The following ERC2 variants were observed in gnomAD, a reference collection of about 807,000 sequenced individuals.
ERC2 encodes the protein ERC protein 2.
ERC2 carries 42 observed loss-of-function variants against 114.8 expected under a neutral mutation model. That is an observed-to-expected ratio of 0.37 (90% CI 0.29 to 0.47). The LOEUF (loss-of-function observed/expected upper bound fraction) is 0.47, where lower values mean the gene tolerates loss of function less well. Ranked by LOEUF, ERC2 falls within the 20% of genes least tolerant of loss-of-function variation. The pLI is 0.99. For missense variants in ERC2, 939 were observed against 1,150.7 expected, an observed-to-expected ratio of 0.82 and a Z score of 2.66; for synonymous variants, 454 against 425.5, an observed-to-expected ratio of 1.07 and a Z score of -0.82.
chr3:55,820,680 C>A (rs2060088266), intron 14 of ERC2, among the ~76,000 whole-genome samples: 1 of 152,134 alleles, frequency 6.6e-6, no homozygotes, highest in Non-Finnish European at 1.5e-5. Flanking sequence ...AGTAGTGGAG[C>A]CAGATCTCCA....
intron 3 of ERC2, among the ~76,000 whole-genome samples, chr3:56,202,362 T>C (rs1467494697): frequency 6.6e-6 from 1 of 152,196 alleles, no homozygotes; most frequent in Non-Finnish European, 1.5e-5. Flanking sequence ...CAAAATTTAA[T>C]TATAATGATT....
At chr3:56,181,162 A>G (rs966408546) in intron 3 of ERC2, among the ~76,000 whole-genome samples, 2 of 152,254 alleles carry the variant, frequency 1.3e-5, no homozygotes, top group African/African-American at 4.8e-5. Context: ...ACAGTGTTTC[A>G]ATAAACCTCT....
At chr3:56,294,645 A>G (rs1237736114) in intron 3 of ERC2, among the ~76,000 whole-genome samples, 1 of 152,234 alleles carries the variant, frequency 6.6e-6, no homozygotes, top group Non-Finnish European at 1.5e-5. Flanking sequence ...TAATCCTGGA[A>G]ATAACATTGA....
At chr3:56,109,572 TTATAGTCCATGC>T (rs1419127683) in intron 6 of ERC2, among the ~76,000 whole-genome samples, 2 of 152,124 alleles carry the variant, frequency 1.3e-5, no homozygotes, top group African/African-American at 4.8e-5. Context: ...GTTACACGAA[TTATAGTCCATGC>T]ACATAACAGA....
intron 14 of ERC2, among the ~76,000 whole-genome samples, chr3:55,824,880 G>A (rs529586634): frequency 8.9e-4 from 136 of 152,312 alleles, no homozygotes; most frequent in Non-Finnish European, 1.6e-3. Context: ...GTGGTTAGCC[G>A]TTGAGATAAG....
intron 3 of ERC2, among the ~76,000 whole-genome samples, chr3:56,239,489 G>C (rs954344593): frequency 3.3e-5 from 5 of 152,160 alleles, no homozygotes; most frequent in African/African-American, 1.2e-4. Flanking sequence ...CTGGGCGACA[G>C]AGTGAGTCTC....
intron 13 of ERC2, among the ~76,000 whole-genome samples, chr3:55,912,539 C>A (rs753337888): frequency 6.6e-6 from 1 of 152,026 alleles, no homozygotes; most frequent in Non-Finnish European, 1.5e-5. Flanking sequence ...AAAATCCAAC[C>A]CTCTTGATGG....
chr3:55,930,349 T>C (rs2066001994), intron 13 of ERC2, among the ~76,000 whole-genome samples: 1 of 152,136 alleles, frequency 6.6e-6, no homozygotes, highest in South Asian at 2.1e-4. Context: ...ACCACAGAAG[T>C]CAGGAGAGTG....
intron 17 of ERC2, among the ~76,000 whole-genome samples, chr3:55,642,593 TG>T (rs905594927): frequency 6.6e-6 from 1 of 152,136 alleles, no homozygotes; most frequent in African/African-American, 2.4e-5. Context: ...CCTACCAAAG[TG>T]CTGGGATTAC....
At chr3:55,551,680 C>A (rs2055219695) in intron 17 of ERC2, among the ~76,000 whole-genome samples, 1 of 152,186 alleles carries the variant, frequency 6.6e-6, no homozygotes, top group African/African-American at 2.4e-5. Flanking sequence ...CCTCCCTAGT[C>A]TCTGTTCAAT....
intron 2 of ERC2, among the ~76,000 whole-genome samples, chr3:56,396,009 T>C (rs1292103527): frequency 6.6e-6 from 1 of 152,126 alleles, no homozygotes; most frequent in African/African-American, 2.4e-5. Flanking sequence ...CAAGTTAAAA[T>C]GAAATTCAAT....
intron 2 of ERC2, among the ~76,000 whole-genome samples, chr3:56,424,959 G>A (rs1009920012): frequency 7.2e-5 from 11 of 152,094 alleles, no homozygotes; most frequent in African/African-American, 2.4e-4. Context: ...ACACACAGAC[G>A]CAACATATGA....
chr3:56,129,196 C>T (rs2080061087), intron 6 of ERC2, among the ~76,000 whole-genome samples: 1 of 152,104 alleles, frequency 6.6e-6, no homozygotes, highest in African/African-American at 2.4e-5. Context: ...GATAAAAGTT[C>T]GTATGAAAAT....
At chr3:55,702,577 C>T (rs2063284791) in intron 15 of ERC2, among the ~76,000 whole-genome samples, 1 of 151,874 alleles carries the variant, frequency 6.6e-6, no homozygotes, top group Admixed American at 6.6e-5. Flanking sequence ...TAGCTTCATC[C>T]CCACCCAATT....
chr3:55,613,336 A>G (rs1312225467), intron 17 of ERC2, among the ~76,000 whole-genome samples: 28 of 152,220 alleles, frequency 1.8e-4, no homozygotes, highest in Admixed American at 1.8e-3. Context: ...TGCAGCTCAC[A>G]ATCAGAACTG....
chr3:55,590,490 C>G (rs1441057875), intron 17 of ERC2, among the ~76,000 whole-genome samples: 1 of 152,214 alleles, frequency 6.6e-6, no homozygotes, highest in Non-Finnish European at 1.5e-5. Context: ...CTGGAATCAA[C>G]CTAATGCCCA....
At chr3:55,586,682 G>A (rs375036951) in intron 17 of ERC2, among the ~76,000 whole-genome samples, 7 of 152,132 alleles carry the variant, frequency 4.6e-5, no homozygotes, top group East Asian at 3.9e-4. Flanking sequence ...TCCTCTTACC[G>A]TAGGAAAGAA....
At chr3:56,224,352 T>C (rs2150157858) in intron 3 of ERC2, among the ~76,000 whole-genome samples, 1 of 152,164 alleles carries the variant, frequency 6.6e-6, no homozygotes, top group South Asian at 2.1e-4. Flanking sequence ...AAAACCAAAA[T>C]GTCCAAATCC....
chr3:56,262,989 G>C (rs2053042735), intron 3 of ERC2, among the ~76,000 whole-genome samples: 2 of 152,272 alleles, frequency 1.3e-5, no homozygotes, highest in Middle Eastern at 3.4e-3. Context: ...GATGTTTTCA[G>C]AACAGGAAGC....
Sources: allele counts gnomAD v4.1 joint callset (sites outside exome capture counted in the v4.1 genomes callset), GRCh38; gene constraint gnomAD v4.1.1; transcripts MANE v1.5; gene names NCBI Gene and HGNC (gene_info 2026-07-23, HGNC 2026-07-21).